NPY5R: variants seen among roughly 807,000 people sequenced by gnomAD.
The protein encoded by NPY5R is neuropeptide Y receptor type 5.
NPY5R carries 21 observed loss-of-function variants against 24.8 expected under a neutral mutation model. The observed-to-expected ratio is 0.85, with a 90% CI of 0.60 to 1.22. The LOEUF (loss-of-function observed/expected upper bound fraction) is 1.22. Ranked by LOEUF, NPY5R falls within the 50% of genes most tolerant of loss-of-function variation. The probability of loss-of-function intolerance (pLI) is 0.00; values close to 1 mark genes in which losing one functional copy is unlikely to be tolerated. For missense variants in NPY5R, 481 were observed against 521.3 expected, an observed-to-expected ratio of 0.92 and a Z score of 0.75; for synonymous variants, 175 against 183.0, an observed-to-expected ratio of 0.96 and a Z score of 0.35.
At chr4:163,347,975 G>C (rs1735318983) in intron 3 of NPY5R, among the ~76,000 whole-genome samples, 1 of 152,146 alleles carries the variant, frequency 6.6e-6, no homozygotes, top group African/African-American at 2.4e-5. Context: ...GCACAATGAT[G>C]ACTCTGTCAT....
intron 1 of NPY5R, 162 bp from the exon 2 acceptor site, chr4:163,345,552 T>C (rs903168845): frequency 3.9e-5 from 6 of 152,228 alleles, no homozygotes; most frequent in Non-Finnish European, 7.3e-5. Flanking sequence ...TGTCAAATAA[T>C]ATTCCATGTT....
In NPY5R at chr4:163,350,418, A is replaced by G; in HGVS notation, c.145A>G (p.Thr49Ala). 3.1e-6 allele frequency: 5 copies of G among 1,613,916 alleles called. No individual in the cohort carries two copies. Among genetic ancestry groups the G allele is most frequent in the Non-Finnish European group, 4.2e-6 (5 of 1,179,820 alleles). ...ACAGTATTTTCTGATTGGGCTCTATACATTTGTAAGTCTTCTTGGCTTTAT... is the reference window on the plus strand; with the variant it reads ...ACAGTATTTTCTGATTGGGCTCTATGCATTTGTAAGTCTTCTTGGCTTTAT... ...DLQYFLIGLY[T>A]FVSLLGFMGN... is the part of the protein sequence containing the mutation. The change falls in exon 4 of 4, where the codon ACA becomes GCA. Residue 49 changes from threonine (T) to alanine (A), a missense_variant. By Grantham distance (58) the Thr-to-Ala change is moderately conservative. Coordinates refer to ENST00000338566, the MANE Select transcript of NPY5R (RefSeq NM_006174.4).
chr4:163,348,607 T>G (rs913519591), intron 3 of NPY5R, among the ~76,000 whole-genome samples: 4 of 150,940 alleles, frequency 2.7e-5, no homozygotes, highest in African/African-American at 9.8e-5. Context: ...GTCACACTAC[T>G]GCACCCCAGC....
Position 163,350,522 on chromosome 4 carries a change from G to A in NPY5R, c.249G>A (p.Leu83=), listed in dbSNP as rs750361929. Reference sequence around the variant, plus strand: ...CGGTAAACTTCCTCATAGGCAATCTGGCCTTTTCTGATATCTTGGTTGTGC... The same window carrying A: ...CGGTAAACTTCCTCATAGGCAATCTAGCCTTTTCTGATATCTTGGTTGTGC... ...KTTVNFLIGN[L]AFSDILVVLF... is the part of the protein sequence containing the mutation. The change falls in exon 4 of 4, where the codon CTG becomes CTA. Residue 83 remains leucine (L), a synonymous_variant. Coordinates refer to ENST00000338566, the MANE Select transcript of NPY5R (RefSeq NM_006174.4). 6.2e-7 allele frequency: 1 copy of A among 1,614,000 alleles called. No individual in the cohort carries two copies. The highest frequency in any genetic ancestry group is 1.7e-5 in the Admixed American group (1 of 59,992).
At chr4:163,345,104 T>G (rs1735173420) in intron 1 of NPY5R, 1 of 152,242 alleles carries the variant, frequency 6.6e-6, no homozygotes. Context: ...TTCTTTTGTG[T>G]GATTGTCATC....
intron 2 of NPY5R, among the ~76,000 whole-genome samples, chr4:163,346,657 G>T (rs1229748833): frequency 1.3e-5 from 2 of 152,076 alleles, no homozygotes; most frequent in Non-Finnish European, 2.9e-5. Context: ...GAATACTCAA[G>T]ATGGCATTTA....
At chr4:163,345,314 A>G (rs559184878) in intron 1 of NPY5R, 4 of 152,312 alleles carry the variant, frequency 2.6e-5, no homozygotes, top group Non-Finnish European at 4.4e-5. Flanking sequence ...TCAGATATAG[A>G]AGAGTTTATA....
chr4:163,345,717 T>G lies in NPY5R; in HGVS notation c.-117T>G, dbSNP rs1486435909. The G allele has an allele frequency of 6.6e-6, 1 of 152,214 alleles. No individual in the cohort carries two copies. The highest frequency in any genetic ancestry group is 6.5e-5 in the Admixed American group (1 of 15,288). 9.4% of individuals were successfully genotyped at this position (152,214 alleles called of 1,614,324 possible). On this transcript the variant is annotated 5_prime_UTR_variant, in exon 2 of 4. Coordinates refer to ENST00000338566, the MANE Select transcript of NPY5R (RefSeq NM_006174.4). ...GAAATTTGGATTTCCATTGTAGGTCTGCTCATTGTGTTTTTCAGGAAAAAG... is the reference window on the plus strand; with the variant it reads ...GAAATTTGGATTTCCATTGTAGGTCGGCTCATTGTGTTTTTCAGGAAAAAG...
intron 3 of NPY5R, among the ~76,000 whole-genome samples, chr4:163,349,996 C>T (rs903959196): frequency 6.7e-6 from 1 of 150,206 alleles, no homozygotes; most frequent in East Asian, 2.0e-4. Context: ...CCCAGCTACT[C>T]GGGAGGCTGA....
chr4:163,351,407 T>G lies in NPY5R; in HGVS notation c.1134T>G (p.Ala378=), dbSNP rs377638516. 1.9e-6 allele frequency: 3 copies of G among 1,612,262 alleles called. No homozygotes were observed. The highest frequency in any genetic ancestry group is 2.5e-6 in the Non-Finnish European group (3 of 1,178,542). The change falls in exon 4 of 4, where the codon GCT becomes GCG. Residue 378 remains alanine, a synonymous_variant. Coordinates refer to ENST00000338566, the MANE Select transcript of NPY5R (RefSeq NM_006174.4). The part of the protein sequence containing the change: ...YRLTILILVF[A]VSWMPLHLFH... ...TGACCATACTGATATTAGTATTTGC[T>G]GTTAGTTGGATGCCACTACACCTTT...
Position 163,348,194 on chromosome 4 carries a change from GTAGA to G in NPY5R, c.-10+675_-10+678del, listed in dbSNP as rs370484730. ...TATTCAATTATAGATCTAGAAATAA[GTAGA>G]TAAACATATATTGATAGGTAACAAA... On this transcript the variant is annotated intron_variant, in intron 3 of 3. Transcript: ENST00000338566. Among the ~76,000 whole-genome samples the G allele has an allele frequency of 2.6e-3, 400 of 152,238 alleles. 3 individuals carry two copies. Among genetic ancestry groups the G allele is most frequent in the African/African-American group, 9.1e-3 (377 of 41,540 alleles).
chr4:163,352,326 A>G (rs1304541379), downstream of NPY5R, among the ~76,000 whole-genome samples: 3 of 152,196 alleles, frequency 2.0e-5, no homozygotes, highest in Non-Finnish European at 4.4e-5. Context: ...AGTTGTTTTC[A>G]TATACATCTT....
chr4:163,346,812 T>A (rs952227119), intron 2 of NPY5R, among the ~76,000 whole-genome samples: 1 of 152,224 alleles, frequency 6.6e-6, no homozygotes, highest in African/African-American at 2.4e-5. Context: ...ATTTTTTAAA[T>A]GTTGTAAATA....
intron 3 of NPY5R, among the ~76,000 whole-genome samples, chr4:163,348,663 A>G (rs1373108003): frequency 8.9e-6 from 1 of 111,944 alleles, no homozygotes; most frequent in African/African-American, 3.3e-5. Context: ...ATAAAAAGGT[A>G]AAAAAAAAAA....
chr4:163,344,884 G>A (rs1987077), intron 1 of NPY5R: 1 of 152,194 alleles, frequency 6.6e-6, no homozygotes, highest in African/African-American at 2.4e-5. Context: ...TTAGAATTTG[G>A]AAGGGAGGGT....
intron 3 of NPY5R, 119 bp from the exon 4 acceptor site, chr4:163,350,146 G>A (rs1735424564): frequency 1.8e-6 from 1 of 560,796 alleles, no homozygotes; most frequent in Non-Finnish European, 3.0e-6. Flanking sequence ...ACTTCCTTAG[G>A]AGATTAATAA....
Position 163,350,831 on chromosome 4 carries a change from A to T in NPY5R, c.558A>T (p.Thr186=), listed in dbSNP as rs765193269. The T allele has an allele frequency of 6.2e-7, 1 of 1,614,166 alleles. No homozygotes were observed. The highest frequency in any genetic ancestry group is 1.1e-5 in the South Asian group (1 of 91,080). Residue 186 remains threonine (T), a synonymous_variant, in exon 4 of 4, where the codon ACA becomes ACT. Coordinates refer to ENST00000338566, the MANE Select transcript of NPY5R (RefSeq NM_006174.4). ...VFHSLVELQE[T]FGSALLSSRY... ...ACAGTCTTGTGGAACTTCAAGAAACATTTGGTTCAGCATTGCTGAGCAGCA... is the reference window on the plus strand; with the variant it reads ...ACAGTCTTGTGGAACTTCAAGAAACTTTTGGTTCAGCATTGCTGAGCAGCA...
chr4:163,351,000 TC>T lies in NPY5R; in HGVS notation c.729del (p.Asn244ThrfsTer11). 6.2e-7 allele frequency: 1 copy of T among 1,614,040 alleles called. No homozygotes were observed. Among genetic ancestry groups the T allele is most frequent in the East Asian group, 2.2e-5 (1 of 44,870 alleles). ...CTGCAGAAGTATAAGCTGTGGATTG[TC>T]CAACAAAGAAAACAGACTTGAAGAA... ...SVCRSISCGL[S>X]NKENRLEENE... On this transcript the variant is annotated frameshift_variant, in exon 4 of 4. Transcript: ENST00000338566. LOFTEE classifies it high-confidence loss of function.
chr4:163,350,309 A>C lies in NPY5R; in HGVS notation c.36A>C (p.Thr12=), dbSNP rs778748928. The change falls in exon 4 of 4, where the codon ACA becomes ACC. Residue 12 remains threonine (T), a synonymous_variant. Coordinates refer to ENST00000338566, the MANE Select transcript of NPY5R (RefSeq NM_006174.4). The part of the protein sequence containing the change: ...DLELDEYYNK[T]LATENNTAAT... ...AGCTCGACGAGTATTATAACAAGAC[A>C]CTTGCCACAGAGAATAATACTGCTG... 1.3e-6 allele frequency: 2 copies of C among 1,593,766 alleles called. No homozygotes were observed. The highest frequency in any genetic ancestry group is 1.7e-6 in the Non-Finnish European group (2 of 1,167,104).
Sources: allele counts gnomAD v4.1 joint callset (sites outside exome capture counted in the v4.1 genomes callset), GRCh38; gene constraint gnomAD v4.1.1; transcripts MANE v1.5; gene names NCBI Gene and HGNC (gene_info 2026-07-23, HGNC 2026-07-21).